The following PHACTR1 variants were observed in gnomAD, a reference collection of about 807,000 sequenced individuals.
The protein encoded by PHACTR1 is phosphatase and actin regulator 1.
Under a neutral mutation model 69.2 loss-of-function variants are expected in PHACTR1, and 16 were observed. That is an observed-to-expected ratio of 0.23 (90% CI 0.16 to 0.35). The LOEUF (loss-of-function observed/expected upper bound fraction) is 0.35. PHACTR1 is among the 10% of genes least tolerant of loss of function. PHACTR1 has a pLI of 1.00. For missense variants in PHACTR1, 510 were observed against 734.7 expected (o/e 0.69, Z 3.54); for synonymous variants, 312 against 284.5 (o/e 1.10, Z -0.97).
intron 4 of PHACTR1, among the ~76,000 whole-genome samples, chr6:12,913,263 C>T (rs1449340099): frequency 6.6e-6 from 1 of 152,218 alleles, no homozygotes; most frequent in East Asian, 1.9e-4. Flanking sequence ...GCTAGGCTGT[C>T]AGGCAAATTG....
intron 4 of PHACTR1, among the ~76,000 whole-genome samples, chr6:12,833,591 C>A (rs1418663883): frequency 1.3e-5 from 2 of 152,154 alleles, no homozygotes; most frequent in African/African-American, 4.8e-5. Flanking sequence ...ATCTGAATAT[C>A]TACTTCTGTC....
intron 4 of PHACTR1, among the ~76,000 whole-genome samples, chr6:12,852,872 A>G (rs1027832676): frequency 2.0e-5 from 3 of 152,232 alleles, no homozygotes; most frequent in African/African-American, 7.2e-5. Context: ...TTATCCAAGC[A>G]TGCTGAAATC....
chr6:13,181,877 T>G (rs1762215822), intron 6 of PHACTR1, among the ~76,000 whole-genome samples: 1 of 152,238 alleles, frequency 6.6e-6, no homozygotes, highest in East Asian at 1.9e-4. Flanking sequence ...TGCTGAGTTT[T>G]TTCCCAAGTT....
At chr6:13,137,588 CTA>C (rs1312877801) in intron 5 of PHACTR1, among the ~76,000 whole-genome samples, 1 of 152,202 alleles carries the variant, frequency 6.6e-6, no homozygotes, top group African/African-American at 2.4e-5. Context: ...ATTCAAGTTT[CTA>C]TGTTTAGCAG....
chr6:13,114,969 T>C (rs1344559680), intron 5 of PHACTR1, among the ~76,000 whole-genome samples: 1 of 152,170 alleles, frequency 6.6e-6, no homozygotes, highest in Non-Finnish European at 1.5e-5. Context: ...CTATTTTATG[T>C]ATAAGAAAAC....
rs184133702 is a variant in PHACTR1 at position 12,817,283 on chromosome 6, C to T, written c.250+67493C>T. On this transcript the variant is annotated intron_variant, in intron 4 of 14. Coordinates refer to ENST00000332995, the MANE Select transcript of PHACTR1 (RefSeq NM_030948.6). ...AAGCAGGTGAAATTTATCATCACAT[C>T]GTATGTATCCCTTTTCTGGTAACTT... is the stretch of plus-strand genomic sequence containing the variant. Among the ~76,000 whole-genome samples the T allele has an allele frequency of 3.9e-4, 60 of 152,266 alleles. No homozygotes were observed. In the East Asian group the frequency reaches 0.011, roughly 27 times the overall value.
At chr6:13,058,159 TG>T (rs1807087196) in intron 5 of PHACTR1, among the ~76,000 whole-genome samples, 1 of 152,198 alleles carries the variant, frequency 6.6e-6, no homozygotes, top group Non-Finnish European at 1.5e-5. Context: ...TGAAGACAGA[TG>T]ATAACATCCC....
chr6:12,950,797 T>C (rs1791197600), intron 4 of PHACTR1, among the ~76,000 whole-genome samples: 1 of 152,214 alleles, frequency 6.6e-6, no homozygotes, highest in Admixed American at 6.5e-5. Context: ...CTAACTCACC[T>C]GGCCCCAGTG....
At chr6:12,974,053 C>T (rs1641975950) in intron 4 of PHACTR1, among the ~76,000 whole-genome samples, 3 of 150,636 alleles carry the variant, frequency 2.0e-5, no homozygotes, top group African/African-American at 7.3e-5. Flanking sequence ...TCCCGAGTAA[C>T]TGGAACAACA....
rs948418433 is a variant in PHACTR1, at chr6:13,031,475, A to G, written c.251-21890A>G. Among the ~76,000 whole-genome samples, 4 of 152,230 alleles carry G rather than the reference A, an allele frequency of 2.6e-5. No individual in the cohort carries two copies. In the East Asian group the frequency reaches 7.7e-4, roughly 29 times the overall value. On this transcript the variant is annotated intron_variant, in intron 4 of 14. Transcript: ENST00000332995. ...AGTGATGTAAGTCTACCACTAGTTT[A>G]ATTGAAACGAATTCTATTAAAACTT...
intron 4 of PHACTR1, among the ~76,000 whole-genome samples, chr6:12,873,206 A>G (rs893301240): frequency 6.6e-6 from 1 of 151,976 alleles, no homozygotes; most frequent in Non-Finnish European, 1.5e-5. Context: ...TTGTAGAGAT[A>G]GGATCTTGCC....
chr6:12,718,324 CA>C (rs990513561), intron 2 of PHACTR1: 2 of 152,306 alleles, frequency 1.3e-5, no homozygotes, highest in Admixed American at 1.3e-4. Context: ...AGCTGAGGAT[CA>C]ACACTCACAA....
intron 4 of PHACTR1, among the ~76,000 whole-genome samples, chr6:12,983,885 T>A (rs1795819460): frequency 6.6e-6 from 1 of 152,198 alleles, no homozygotes; most frequent in Admixed American, 6.5e-5. Flanking sequence ...ATCATCCTTT[T>A]TTATCGCTGC....
chr6:12,897,032 A>C (rs1490463365), intron 4 of PHACTR1, among the ~76,000 whole-genome samples: 1 of 152,208 alleles, frequency 6.6e-6, no homozygotes, highest in Non-Finnish European at 1.5e-5. Flanking sequence ...ACTTGGATCC[A>C]GGGCAGACGT....
At chr6:12,789,830 G>A (rs565459618) in intron 4 of PHACTR1, among the ~76,000 whole-genome samples, 4 of 151,222 alleles carry the variant, frequency 2.6e-5, no homozygotes, top group Non-Finnish European at 5.9e-5. Flanking sequence ...CAACGTGCAG[G>A]TTAGTTACAT....
intron 4 of PHACTR1, among the ~76,000 whole-genome samples, chr6:12,940,169 C>T (rs185525338): frequency 1.3e-5 from 2 of 152,322 alleles, no homozygotes; most frequent in Admixed American, 1.3e-4. Context: ...CCTCTTGCAA[C>T]AGCACCAATC....
At chr6:13,115,266 ATC>A (rs1383511730) in intron 5 of PHACTR1, among the ~76,000 whole-genome samples, 8 of 152,148 alleles carry the variant, frequency 5.3e-5, no homozygotes. Flanking sequence ...AGACTTACAT[ATC>A]TCTGATTTTA....
chr6:13,200,969 A>T (rs965047990), intron 7 of PHACTR1, among the ~76,000 whole-genome samples: 23 of 151,776 alleles, frequency 1.5e-4, no homozygotes, highest in Admixed American at 1.1e-3. Context: ...GAAAAAAATT[A>T]AAAAAAGAAA....
At chr6:13,063,765 G>T (rs1808061609) in intron 5 of PHACTR1, among the ~76,000 whole-genome samples, 1 of 151,708 alleles carries the variant, frequency 6.6e-6, no homozygotes, top group East Asian at 1.9e-4. Context: ...GGGCAATGGA[G>T]TGAGACCCTG....
Sources: gnomAD v4.1 joint callset for allele counts (sites outside exome capture counted in the v4.1 genomes callset) on GRCh38, gnomAD v4.1.1 for gene constraint, MANE v1.5 for transcripts, NCBI Gene and HGNC (gene_info 2026-07-23, HGNC 2026-07-21) for gene names.